DACH1: variants seen among roughly 807,000 people sequenced by gnomAD.
The protein encoded by DACH1 is dachshund family transcription factor 1.
In DACH1, 12 loss-of-function variants were observed where a neutral mutation model predicts 54.2. That is an observed-to-expected ratio of 0.22 (90% confidence interval 0.14 to 0.36). The LOEUF (loss-of-function observed/expected upper bound fraction) is 0.36, where lower values mean the gene tolerates loss of function less well. Among genes scored for constraint, DACH1 ranks in the 10% least tolerant of loss-of-function variants. The pLI, the probability that DACH1 is intolerant of heterozygous loss-of-function variation, is 1.00. For missense variants in DACH1, 805 were observed against 929.8 expected (o/e 0.87, Z 1.75); for synonymous variants, 386 against 366.2 (o/e 1.05, Z -0.62).
At chr13:71,501,408 T>G (rs9542712) in intron 6 of DACH1, among the ~76,000 whole-genome samples, 135,405 of 152,154 alleles carry the variant, frequency 0.89, 61,964 homozygotes, top group Non-Finnish European at 0.99. Flanking sequence ...TGTTTGTGAT[T>G]TAAGAAAAGA....
intron 1 of DACH1, among the ~76,000 whole-genome samples, chr13:71,862,768 T>C (rs78298211): frequency 0.019 from 2,861 of 152,194 alleles, 81 homozygotes; most frequent in African/African-American, 0.065. Context: ...CTTACTTTTC[T>C]GTAACATCAT....
chr13:71,465,277 T>C (rs973092252), intron 10 of DACH1, among the ~76,000 whole-genome samples: 2 of 152,240 alleles, frequency 1.3e-5, no homozygotes, highest in South Asian at 2.1e-4. Flanking sequence ...ATTTTGCTCA[T>C]ACAAATCTGT....
intron 1 of DACH1, among the ~76,000 whole-genome samples, chr13:71,763,842 T>C (rs1404722654): frequency 1.3e-5 from 2 of 152,218 alleles, no homozygotes; most frequent in Non-Finnish European, 2.9e-5. Context: ...TGTTTGCAGA[T>C]TTAATGCAAC....
At chr13:71,531,809 G>A (rs1882434813) in intron 6 of DACH1, among the ~76,000 whole-genome samples, 1 of 151,868 alleles carries the variant, frequency 6.6e-6, no homozygotes. Flanking sequence ...GAAAAACACA[G>A]GCTCACAGGT....
chr13:71,687,112 C>G (rs1055888565), intron 1 of DACH1, among the ~76,000 whole-genome samples: 4 of 152,168 alleles, frequency 2.6e-5, no homozygotes, highest in Non-Finnish European at 4.4e-5. Context: ...CCTCTCCGAT[C>G]TATTTACGCA....
At position 71,439,234 on chromosome 13, in the gene DACH1, T is replaced by G. The variant is rs1463121011; in HGVS notation, c.*1421A>C. 6.6e-6 allele frequency: 1 copy of G among 152,562 alleles called. No individual in the cohort carries two copies. The highest frequency in any genetic ancestry group is 1.9e-4 in the East Asian group (1 of 5,186). 9.5% of individuals were successfully genotyped at this position (152,562 alleles called of 1,614,324 possible). On this transcript the variant is annotated 3_prime_UTR_variant, in exon 11 of 11. Transcript: ENST00000613252. ...AATGTATAGTGACCGTACTGATTCA[T>G]ATCAGTCTTTAAAGGTGTAATTCCA...
intron 1 of DACH1, among the ~76,000 whole-genome samples, chr13:71,837,808 G>A (rs1888856501): frequency 6.7e-6 from 1 of 148,848 alleles, no homozygotes; most frequent in Non-Finnish European, 1.5e-5. Flanking sequence ...TATACACCAT[G>A]GAATACTATG....
chr13:71,549,405 A>G (rs1294922588), intron 6 of DACH1, among the ~76,000 whole-genome samples: 1 of 152,166 alleles, frequency 6.6e-6, no homozygotes, highest in Non-Finnish European at 1.5e-5. Flanking sequence ...GTGGAATAAT[A>G]GTTTTTTTAA....
chr13:71,810,612 T>A, intron 1 of DACH1, among the ~76,000 whole-genome samples: 1 of 152,112 alleles, frequency 6.6e-6, no homozygotes, highest in Non-Finnish European at 1.5e-5. Flanking sequence ...ATACTATGAA[T>A]TTGTGTGTAG....
At chr13:71,762,768 CAAAAAAAAAA>C (rs34543654) in intron 1 of DACH1, among the ~76,000 whole-genome samples, 3 of 71,180 alleles carry the variant, frequency 4.2e-5, no homozygotes, top group South Asian at 5.5e-4. Context: ...AACTTTGTCT[CAAAAAAAAAA>C]AAAAAAAAAA....
chr13:71,520,121 G>A (rs1307890819), intron 6 of DACH1, among the ~76,000 whole-genome samples: 3 of 151,190 alleles, frequency 2.0e-5, no homozygotes, highest in South Asian at 2.1e-4. Flanking sequence ...AGAAGCACTA[G>A]TTGAAGTCAA....
At chr13:71,461,707 G>C (rs563176894) in intron 10 of DACH1, among the ~76,000 whole-genome samples, 2 of 151,974 alleles carry the variant, frequency 1.3e-5, no homozygotes, top group African/African-American at 2.4e-5. Context: ...CTTTAACTAT[G>C]AATAAGGCCC....
intron 1 of DACH1, among the ~76,000 whole-genome samples, chr13:71,853,952 A>G (rs1019744900): frequency 6.6e-6 from 1 of 152,042 alleles, no homozygotes; most frequent in African/African-American, 2.4e-5. Flanking sequence ...ACCCACTTTG[A>G]CAGGAACAGA....
intron 1 of DACH1, among the ~76,000 whole-genome samples, chr13:71,810,581 T>C (rs531584757): frequency 6.6e-6 from 1 of 152,220 alleles, no homozygotes; most frequent in African/African-American, 2.4e-5. Flanking sequence ...GGTGGCTGAA[T>C]AGGAAAAGAA....
At chr13:71,833,024 C>G (rs1011049188) in intron 1 of DACH1, among the ~76,000 whole-genome samples, 2 of 151,816 alleles carry the variant, frequency 1.3e-5, no homozygotes, top group Non-Finnish European at 2.9e-5. Flanking sequence ...TTCAGAAAGA[C>G]GCTAACAGGG....
chr13:71,602,258 C>G (rs1032500588), intron 3 of DACH1, among the ~76,000 whole-genome samples: 1 of 151,906 alleles, frequency 6.6e-6, no homozygotes, highest in Admixed American at 6.6e-5. Flanking sequence ...AAAGTGTTTT[C>G]TAAGTAAATA....
At chr13:71,750,922 G>A (rs941192761) in intron 1 of DACH1, among the ~76,000 whole-genome samples, 3 of 151,842 alleles carry the variant, frequency 2.0e-5, no homozygotes, top group East Asian at 3.9e-4. Flanking sequence ...GAGAAAAGAT[G>A]GCTAAAAAAA....
At chr13:71,735,764 A>T (rs1884086065) in intron 1 of DACH1, among the ~76,000 whole-genome samples, 1 of 152,016 alleles carries the variant, frequency 6.6e-6, no homozygotes, top group South Asian at 2.1e-4. Flanking sequence ...ATTAAGGGAA[A>T]GAGTCCAATT....
At chr13:71,723,780 T>C (rs1312689833) in intron 1 of DACH1, among the ~76,000 whole-genome samples, 1 of 152,182 alleles carries the variant, frequency 6.6e-6, no homozygotes, top group South Asian at 2.1e-4. Flanking sequence ...AACTTCTGCC[T>C]TCTGGGCTCT....
Sources: allele counts gnomAD v4.1 joint callset (sites outside exome capture counted in the v4.1 genomes callset), GRCh38; gene constraint gnomAD v4.1.1; transcripts MANE v1.5; gene names NCBI Gene and HGNC (gene_info 2026-07-23, HGNC 2026-07-21).